The following DUSP10 variants were observed in gnomAD, a reference collection of about 807,000 sequenced individuals.
The protein encoded by DUSP10 is dual specificity protein phosphatase 10.
Under a neutral mutation model 30.8 loss-of-function variants are expected in DUSP10, and 14 were observed. The ratio of observed to expected loss-of-function variants is 0.46; its 90% CI spans 0.30 to 0.71. The LOEUF is 0.71. Among genes scored for constraint, DUSP10 ranks in the 30% least tolerant of loss-of-function variants. DUSP10 has a pLI of 0.08. For missense variants in DUSP10, 550 were observed against 619.4 expected, an observed-to-expected ratio of 0.89 and a Z score of 1.19; for synonymous variants, 254 against 250.4, an observed-to-expected ratio of 1.01 and a Z score of -0.14.
chr1:221,741,807 G>T (rs1004146297), intron 1 of DUSP10, among the ~76,000 whole-genome samples, 174 bp downstream of exon 1: 2 of 152,134 alleles, frequency 1.3e-5, no homozygotes, highest in Admixed American at 6.5e-5. Context: ...AACCCTACCT[G>T]CTGTAGCTCC....
chr1:221,734,923 G>A (rs979678312), intron 2 of DUSP10, among the ~76,000 whole-genome samples: 5 of 148,820 alleles, frequency 3.4e-5, no homozygotes, highest in East Asian at 2.1e-4. Context: ...CCCCACCCCC[G>A]AAAAAAGGGC....
chr1:221,740,669 A>C (rs185206396), intron 1 of DUSP10, among the ~76,000 whole-genome samples: 74 of 152,260 alleles, frequency 4.9e-4, no homozygotes, highest in Non-Finnish European at 9.0e-4. Flanking sequence ...TGCATCCTAG[A>C]GCTTCTCTCA....
At chr1:221,712,869 G>GAT (rs1012295212) in intron 2 of DUSP10, among the ~76,000 whole-genome samples, 1 of 145,942 alleles carries the variant, frequency 6.9e-6, no homozygotes, top group African/African-American at 2.5e-5. Flanking sequence ...GAAAGTTATT[G>GAT]AAGTATTCTG....
At chr1:221,733,704 C>G (rs1661683150) in intron 2 of DUSP10, among the ~76,000 whole-genome samples, 1 of 152,210 alleles carries the variant, frequency 6.6e-6, no homozygotes, top group African/African-American at 2.4e-5. Context: ...GGAGCTGTCC[C>G]TGTTTTACAA....
chr1:221,707,501 C>A (rs965068178), intron 2 of DUSP10, among the ~76,000 whole-genome samples: 7 of 152,104 alleles, frequency 4.6e-5, no homozygotes, highest in African/African-American at 1.7e-4. Flanking sequence ...AGTTATGGGT[C>A]TAGTATAAAA....
In DUSP10 at chr1:221,701,507, T is replaced by G. The variant is rs1018480484; in HGVS notation, c.*905A>C. ...ATTTTTTTTTTTTTTGCGAAAAATA[T>G]TTTTAAATAAATTTTTTTTTCTTAC... On this transcript the variant is annotated 3_prime_UTR_variant, in exon 4 of 4. Transcript: ENST00000366899. 6 of 149,928 alleles carry G rather than the reference T, an allele frequency of 4.0e-5. No individual in the cohort carries two copies. Among genetic ancestry groups the G allele is most frequent in the African/African-American group, 1.5e-4 (6 of 40,314 alleles). The allele number at this position is 149,928 out of a possible 1,614,324, so 9.3% of individuals were successfully genotyped here.
intron 2 of DUSP10, among the ~76,000 whole-genome samples, chr1:221,708,262 C>A (rs1660825587): frequency 1.3e-5 from 2 of 152,200 alleles, no homozygotes; most frequent in South Asian, 4.1e-4. Context: ...GACAGGAAGT[C>A]TATCTGTCCA....
chr1:221,716,225 G>A (rs563759867), intron 2 of DUSP10, among the ~76,000 whole-genome samples: 87 of 152,256 alleles, frequency 5.7e-4, no homozygotes, highest in African/African-American at 2.0e-3. Context: ...AGGTGGGCTG[G>A]GAAGAGTGAT....
chr1:221,713,574 G>T (rs1008251204), intron 2 of DUSP10, among the ~76,000 whole-genome samples: 1 of 148,428 alleles, frequency 6.7e-6, no homozygotes, highest in Non-Finnish European at 1.5e-5. Context: ...GGTGTTTACA[G>T]TTTTTCTCAG....
Position 221,716,680 on chromosome 1 carries a change from A to T in DUSP10, c.812-10214T>A, listed in dbSNP as rs569791157. Among the ~76,000 whole-genome samples the T allele has an allele frequency of 2.6e-5, 4 of 152,308 alleles. No individual in the cohort carries two copies. In the South Asian group the frequency reaches 8.3e-4, roughly 32 times the overall value. On this transcript the variant is annotated intron_variant, in intron 2 of 3. Coordinates refer to ENST00000366899, the MANE Select transcript of DUSP10 (RefSeq NM_007207.6). ...ATGGCTAAGAAGGGTGCCTACCAAG[A>T]TCCAGTCTGGGGGTGAGGGGTCAGG...
chr1:221,739,393 C>A lies in DUSP10; in HGVS notation c.352G>T (p.Val118Phe). Residue 118 changes from valine (V) to phenylalanine (F), a missense_variant, in exon 2 of 4, where the codon GTC (valine) becomes TTC (phenylalanine). Physicochemically the swap from Val to Phe is conservative, Grantham distance 50 (BLOSUM62 -1). Transcript: ENST00000366899. ...TSTTCPANQM[V>F]NNNENTGSLS... ...GAGCCTGTATTCTCATTATTGTTGA[C>A]CATCTGGTTAGCAGGGCAGGTGGTA... 1 of 1,614,138 alleles carries A rather than the reference C, an allele frequency of 6.2e-7. No individual in the cohort carries two copies. The highest frequency in any genetic ancestry group is 8.5e-7 in the Non-Finnish European group (1 of 1,180,026).
intron 3 of DUSP10, among the ~76,000 whole-genome samples, chr1:221,705,047 C>T (rs1009137875): frequency 5.3e-5 from 8 of 149,810 alleles, no homozygotes; most frequent in Non-Finnish European, 1.0e-4. Context: ...GTTGAAGTTA[C>T]GTAAAAAAAA....
Position 221,701,438 on chromosome 1 carries a change from A to G in DUSP10, c.*974T>C, listed in dbSNP as rs1249449498. On this transcript the variant is annotated 3_prime_UTR_variant, in exon 4 of 4. Transcript: ENST00000366899. ...CACATCCTAAACCAGTTTCATTTAT[A>G]TAATGAAAATAAATTTTTACACAAT... The G allele has an allele frequency of 1.3e-5, 2 of 152,480 alleles. No homozygotes were observed. The highest frequency in any genetic ancestry group is 2.9e-5 in the Non-Finnish European group (2 of 68,036). The allele number at this position is 152,480 out of a possible 1,614,324, so 9.4% of individuals were successfully genotyped here. A position where few individuals can be genotyped will look rare whatever the true frequency, so the allele number is the denominator to read the frequency against.
chr1:221,721,248 A>T (rs1204339236), intron 2 of DUSP10, among the ~76,000 whole-genome samples: 1 of 152,250 alleles, frequency 6.6e-6, no homozygotes, highest in East Asian at 1.9e-4. Context: ...GAGATGAGAT[A>T]GGACCAGTTT....
chr1:221,714,090 C>T (rs1411736292), intron 2 of DUSP10, among the ~76,000 whole-genome samples: 1 of 151,902 alleles, frequency 6.6e-6, no homozygotes, highest in Non-Finnish European at 1.5e-5. Flanking sequence ...AAGTTGATAC[C>T]AGAATTTGCC....
chr1:221,708,291 A>AT (rs1660826945), intron 2 of DUSP10, among the ~76,000 whole-genome samples: 1 of 152,222 alleles, frequency 6.6e-6, no homozygotes, highest in African/African-American at 2.4e-5. Flanking sequence ...TGAGCCTGGC[A>AT]TATGTTCTTC....
intron 2 of DUSP10, among the ~76,000 whole-genome samples, chr1:221,732,511 A>C (rs1379916374): frequency 6.6e-6 from 1 of 152,226 alleles, no homozygotes; most frequent in East Asian, 1.9e-4. Context: ...TCAGTACTCA[A>C]AAAATCTTAT....
chr1:221,737,442 T>C (rs955906891), intron 2 of DUSP10: 2 of 985,204 alleles, frequency 2.0e-6, no homozygotes, highest in Non-Finnish European at 2.4e-6. Flanking sequence ...TGGGAATCAC[T>C]CAAAGTCAAC....
At chr1:221,713,041 A>C (rs1486449478) in intron 2 of DUSP10, among the ~76,000 whole-genome samples, 2 of 152,256 alleles carry the variant, frequency 1.3e-5, no homozygotes, top group East Asian at 3.8e-4. Flanking sequence ...GCTAACTAGC[A>C]CTGGAGGTAG....
Sources: allele counts gnomAD v4.1 joint callset (sites outside exome capture counted in the v4.1 genomes callset), GRCh38; gene constraint gnomAD v4.1.1; transcripts MANE v1.5; gene names NCBI Gene and HGNC (gene_info 2026-07-23, HGNC 2026-07-21).